Variants in DLGAP4 observed in about 807,000 individuals in gnomAD.
The protein encoded by DLGAP4 is disks large-associated protein 4.
A neutral mutation model predicts 86.9 loss-of-function variants in DLGAP4; 18 were observed. The ratio of observed to expected loss-of-function variants is 0.21; its 90% CI spans 0.14 to 0.31. The LOEUF (loss-of-function observed/expected upper bound fraction) is 0.31, where lower values mean the gene tolerates loss of function less well. Among genes scored for constraint, DLGAP4 ranks in the 10% least tolerant of loss-of-function variants. The probability of loss-of-function intolerance (pLI) is 1.00; values close to 1 mark genes in which losing one functional copy is unlikely to be tolerated. For missense variants in DLGAP4, 1,085 were observed against 1,362.6 expected, an observed-to-expected ratio of 0.80 and a Z score of 3.21; for synonymous variants, 548 against 574.3, an observed-to-expected ratio of 0.95 and a Z score of 0.65.
At chr20:36,325,970 G>A (rs1480128165) in intron 1 of DLGAP4, among the ~76,000 whole-genome samples, 2 of 151,986 alleles carry the variant, frequency 1.3e-5, no homozygotes, top group Non-Finnish European at 2.9e-5. Context: ...CTCCCAGCTC[G>A]GCCTCCCAAA....
At chr20:36,422,908 G>A (rs2147522490) in intron 2 of DLGAP4, among the ~76,000 whole-genome samples, 1 of 152,336 alleles carries the variant, frequency 6.6e-6, no homozygotes, top group South Asian at 2.1e-4. Flanking sequence ...GCAGCCAGCT[G>A]CTTCCCCCTG....
At chr20:36,487,371 A>G (rs1294538189) in intron 7 of DLGAP4, among the ~76,000 whole-genome samples, 1 of 152,166 alleles carries the variant, frequency 6.6e-6, no homozygotes, top group African/African-American at 2.4e-5. Flanking sequence ...TTATCTGCCC[A>G]TGGGCCAGTC....
chr20:36,313,921 G>T (rs893564537), intron 1 of DLGAP4, among the ~76,000 whole-genome samples: 1 of 152,160 alleles, frequency 6.6e-6, no homozygotes, highest in Non-Finnish European at 1.5e-5. Flanking sequence ...AGGAGGTGAT[G>T]TTGGGGTTGC....
chr20:36,341,951 T>C (rs2065387677), intron 1 of DLGAP4, among the ~76,000 whole-genome samples: 1 of 152,152 alleles, frequency 6.6e-6, no homozygotes, highest in African/African-American at 2.4e-5. Flanking sequence ...CATTCGACTT[T>C]CTCCTCATTT....
intron 10 of DLGAP4, chr20:36,508,391 T>G (rs2036498747): frequency 6.6e-6 from 1 of 152,070 alleles, no homozygotes; most frequent in Admixed American, 6.6e-5. Context: ...TACATTCCCT[T>G]TGACCATTTT....
intron 2 of DLGAP4, among the ~76,000 whole-genome samples, chr20:36,368,455 A>AG (rs1238290951): frequency 2.6e-5 from 4 of 152,378 alleles, no homozygotes; most frequent in African/African-American, 9.6e-5. Flanking sequence ...CGTATGTAGA[A>AG]GTGCTTCTGT....
At chr20:36,506,067 C>G (rs1348078009) in intron 10 of DLGAP4, among the ~76,000 whole-genome samples, 1 of 152,070 alleles carries the variant, frequency 6.6e-6, no homozygotes, top group Non-Finnish European at 1.5e-5. Context: ...CATAGTAAGT[C>G]TTTAAAACTT....
At position 36,337,078 on chromosome 20, in the gene DLGAP4, C is replaced by A. The variant is rs184153520; in HGVS notation, c.-303-29967C>A. On this transcript the variant is annotated intron_variant, in intron 1 of 12. Coordinates refer to ENST00000339266, the MANE Select transcript of DLGAP4 (RefSeq NM_001365621.2). Reference sequence around the variant, plus strand: ...TGGGGCCCAGCAGCAGCTGCAGCCGCATTTCCCCATGGTGGGTGGGGATGA... The same window carrying A: ...TGGGGCCCAGCAGCAGCTGCAGCCGAATTTCCCCATGGTGGGTGGGGATGA... 2.4e-3 allele frequency among the ~76,000 whole-genome samples: 367 copies of A among 152,252 alleles called. 2 individuals carry two copies. The highest frequency in any genetic ancestry group is 8.6e-3 in the African/African-American group (356 of 41,542).
chr20:36,515,875 A>G (rs892594017), intron 10 of DLGAP4, among the ~76,000 whole-genome samples: 16 of 152,276 alleles, frequency 1.1e-4, no homozygotes, highest in African/African-American at 3.9e-4. Context: ...CTAAAAAGTG[A>G]TTTAAACAAG....
Position 36,350,287 on chromosome 20 carries a change from C to T in DLGAP4, c.-303-16758C>T, listed in dbSNP as rs575601182. 6.6e-6 allele frequency among the ~76,000 whole-genome samples: 1 copy of T among 152,254 alleles called. No individual in the cohort carries two copies. Among genetic ancestry groups the T allele is most frequent in the Admixed American group, 6.5e-5 (1 of 15,296 alleles). On this transcript the variant is annotated intron_variant, in intron 1 of 12. Transcript: ENST00000339266. The surrounding 1 kb of genome is among the most constrained non-coding windows in gnomAD (Gnocchi z 4.4). ...CAGTTTCCTTGTGGATATAGGGTAGCGGATGAGTAGCCCAGCAGCTGTGGG... is the reference window on the plus strand; with the variant it reads ...CAGTTTCCTTGTGGATATAGGGTAGTGGATGAGTAGCCCAGCAGCTGTGGG...
chr20:36,326,975 T>C (rs1241990767), intron 1 of DLGAP4, among the ~76,000 whole-genome samples: 1 of 151,404 alleles, frequency 6.6e-6, no homozygotes, highest in Non-Finnish European at 1.5e-5. Flanking sequence ...CTTTCTTTTC[T>C]GGCTACTTTT....
intron 2 of DLGAP4, among the ~76,000 whole-genome samples, chr20:36,404,976 C>G (rs1029112116): frequency 1.3e-5 from 2 of 152,092 alleles, no homozygotes; most frequent in South Asian, 2.1e-4. Flanking sequence ...CTGGAGGAGG[C>G]GGTGTGCGCT....
At chr20:36,467,064 C>CTCCCCCTCTCT (rs1555907464) in intron 7 of DLGAP4, among the ~76,000 whole-genome samples, 33 of 118,140 alleles carry the variant, frequency 2.8e-4, no homozygotes, top group African/African-American at 1.5e-3. Context: ...CTCTCTCTCT[C>CTCCCCCTCTCT]CCCCCCCCTT....
At chr20:36,509,860 CT>C (rs796066122) in intron 10 of DLGAP4, among the ~76,000 whole-genome samples, 2,905 of 145,202 alleles carry the variant, frequency 0.02, 71 homozygotes, top group African/African-American at 0.064. Context: ...TATTGCTTGT[CT>C]TTTTTTTTTT....
At chr20:36,419,243 C>G (rs561888546) in intron 2 of DLGAP4, among the ~76,000 whole-genome samples, 1 of 152,140 alleles carries the variant, frequency 6.6e-6, no homozygotes, top group South Asian at 2.1e-4. Context: ...TCATCTCAGC[C>G]TCCTGAACAG....
At chr20:36,514,263 G>A (rs1307496037) in intron 10 of DLGAP4, among the ~76,000 whole-genome samples, 1 of 152,190 alleles carries the variant, frequency 6.6e-6, no homozygotes, top group East Asian at 1.9e-4. Flanking sequence ...GAATTGTGAT[G>A]GCAGAAGCAT....
chr20:36,496,966 C>T lies in DLGAP4; in HGVS notation c.1910C>T (p.Pro637Leu), dbSNP rs143002992. The T allele has an allele frequency of 4.3e-6, 7 of 1,614,050 alleles. No homozygotes were observed. Among genetic ancestry groups the T allele is most frequent in the Non-Finnish European group, 5.9e-6 (7 of 1,180,032 alleles). ...APAPEAPEPPPKHAALKSEQG... is the reference protein window; with the variant it reads ...APAPEAPEPPLKHAALKSEQG... The stretch of plus-strand genomic sequence containing the variant: ...GCCCCTGAGGCCCCAGAGCCACCCC[C>T]AAAACATGCAGCTCTGAAAAGTGAA... The change falls in exon 8 of 13, where the codon CCA becomes CTA. Residue 637 changes from proline to leucine, a missense_variant. Pro to Leu is a moderately conservative substitution (Grantham distance 98, BLOSUM62 -3). This residue lies in a region of DLGAP4 where 1,082 missense variants were observed against 1,344.1 expected (regional missense o/e 0.81). Coordinates refer to ENST00000339266, the MANE Select transcript of DLGAP4 (RefSeq NM_001365621.2).
chr20:36,308,937 CA>C lies in DLGAP4; in HGVS notation c.-304+2426del, dbSNP rs2065029234. On this transcript the variant is annotated intron_variant, in intron 1 of 12. Coordinates refer to ENST00000339266, the MANE Select transcript of DLGAP4 (RefSeq NM_001365621.2). The surrounding 1 kb of genome is among the most constrained non-coding windows in gnomAD (Gnocchi z 4.5). ...GGTACTCAATAAATGTCATGGCTCC[CA>C]GGATGAAACCCAACCTCCCCCTCCC... Among the ~76,000 whole-genome samples the C allele has an allele frequency of 6.6e-6, 1 of 151,992 alleles. No homozygotes were observed. Among genetic ancestry groups the C allele is most frequent in the African/African-American group, 2.4e-5 (1 of 41,356 alleles).
intron 2 of DLGAP4, among the ~76,000 whole-genome samples, chr20:36,417,101 G>C (rs943804772): frequency 1.3e-5 from 2 of 152,116 alleles, no homozygotes; most frequent in South Asian, 4.1e-4. Context: ...GGTCAGGTTT[G>C]GAAAACAATC....
Sources: allele counts gnomAD v4.1 joint callset (sites outside exome capture counted in the v4.1 genomes callset), GRCh38; gene constraint gnomAD v4.1.1; regional missense constraint gnomAD v4.1.1; non-coding constraint Gnocchi (gnomAD v3.1); transcripts MANE v1.5; gene names NCBI Gene and HGNC (gene_info 2026-07-23, HGNC 2026-07-21).